CCDC7: variants seen among roughly 807,000 people sequenced by gnomAD.
CCDC7 encodes the protein coiled-coil domain-containing protein 7.
In CCDC7, 183 loss-of-function variants were observed where a neutral mutation model predicts 196.9. That is an observed-to-expected ratio of 0.93 (90% CI 0.82 to 1.05). CCDC7 has a LOEUF of 1.05. Ranked by LOEUF, CCDC7 falls within the 50% of genes least tolerant of loss-of-function variation. The pLI is 0.00. For synonymous variants in CCDC7, 525 were observed against 484.6 expected (o/e 1.08, Z -1.10); for missense variants, 1,540 against 1,482.2 (o/e 1.04, Z -0.64).
At chr10:32,881,989 AT>A (rs2094807196), downstream of CCDC7, among the ~76,000 whole-genome samples, 1 of 152,172 alleles carries the variant, frequency 6.6e-6, no homozygotes, top group Non-Finnish European at 1.5e-5. Flanking sequence ...TAACTAGATG[AT>A]TGGACTCTAC....
chr10:32,830,914 T>C (rs1347607289), intron 32 of CCDC7, among the ~76,000 whole-genome samples: 1 of 152,088 alleles, frequency 6.6e-6, no homozygotes, highest in African/African-American at 2.4e-5. Flanking sequence ...TCCAACATAG[T>C]AAAAACATTG....
At chr10:32,824,558 A>C (rs200418217) in exon 32 of CCDC7, 12 of 1,612,468 alleles carry the variant, frequency 7.4e-6, no homozygotes, top group Non-Finnish European at 1.0e-5. Flanking sequence ...AGAGAGGTAC[A>C]ATAAATGATG....
chr10:32,778,555 C>T (rs536441300), intron 28 of CCDC7, among the ~76,000 whole-genome samples: 86 of 152,202 alleles, frequency 5.7e-4, no homozygotes, highest in Non-Finnish European at 8.7e-4. Context: ...GTTTTTGTAC[C>T]AGTACAATGC....
Position 32,755,809 on chromosome 10 carries a change from C to T in CCDC7, c.2906-23168C>T, listed in dbSNP as rs533914015. 1.4e-3 allele frequency among the ~76,000 whole-genome samples: 220 copies of T among 152,076 alleles called. 1 individual carries two copies. The highest frequency in any genetic ancestry group is 5.0e-3 in the African/African-American group (208 of 41,498). ...GACGATCAGTAATAACAAATTTCTC[C>T]GAGTCAAAGGAGGATATTCAAACCC... On this transcript the variant is annotated intron_variant, in intron 28 of 41. Coordinates refer to ENST00000639629, the Ensembl canonical transcript of CCDC7.
chr10:32,499,873 A>C (rs1377343438), intron 9 of CCDC7, among the ~76,000 whole-genome samples: 10 of 152,170 alleles, frequency 6.6e-5, no homozygotes, highest in Admixed American at 6.5e-4. Flanking sequence ...TAATCCATTT[A>C]ACCCTTAGTG....
At chr10:32,489,249 C>T (rs929787846) in intron 8 of CCDC7, among the ~76,000 whole-genome samples, 1 of 152,178 alleles carries the variant, frequency 6.6e-6, no homozygotes, top group African/African-American at 2.4e-5. Context: ...GTGTGCAAGT[C>T]TACTGCTGCT....
intron 11 of CCDC7, among the ~76,000 whole-genome samples, chr10:32,531,697 G>T (rs957865942): frequency 3.3e-5 from 5 of 152,078 alleles, no homozygotes; most frequent in Admixed American, 1.3e-4. Flanking sequence ...TAACTTTGTT[G>T]GGAGACTTTC....
At chr10:32,622,519 T>C (rs573376877) in intron 18 of CCDC7, among the ~76,000 whole-genome samples, 2 of 152,062 alleles carry the variant, frequency 1.3e-5, no homozygotes, top group African/African-American at 2.4e-5. Flanking sequence ...TGGTTCAGAA[T>C]TGAAATTTTT....
chr10:32,809,904 T>C (rs929854898), intron 30 of CCDC7, among the ~76,000 whole-genome samples: 1 of 150,314 alleles, frequency 6.7e-6, no homozygotes, highest in Non-Finnish European at 1.5e-5. Context: ...TTATAAATCA[T>C]GCTACTATAA....
intron 18 of CCDC7, among the ~76,000 whole-genome samples, chr10:32,584,777 A>AAAAAAAT (rs2059091072): frequency 7.0e-6 from 1 of 143,698 alleles, no homozygotes. Context: ...AAAAAAAAAA[A>AAAAAAAT]GATTGGTGAG....
intron 13 of CCDC7, among the ~76,000 whole-genome samples, chr10:32,558,365 T>A (rs1288205215): frequency 2.6e-5 from 4 of 152,222 alleles, no homozygotes; most frequent in African/African-American, 9.6e-5. Flanking sequence ...TTAGTTTTTT[T>A]AGCTTTTGCT....
intron 24 of CCDC7, among the ~76,000 whole-genome samples, chr10:32,709,014 C>A (rs1296458802): frequency 3.9e-5 from 6 of 152,162 alleles, no homozygotes; most frequent in Non-Finnish European, 7.3e-5. Flanking sequence ...GTAAAGACAA[C>A]GTGCACACGT....
intron 33 of CCDC7, among the ~76,000 whole-genome samples, chr10:32,836,183 C>A (rs983300997): frequency 6.6e-6 from 1 of 151,942 alleles, no homozygotes; most frequent in Admixed American, 6.6e-5. Context: ...GGGAAAGAGG[C>A]CATTAAAGAG....
chr10:32,861,115 C>CAAAAAAAAAAAAAAAAAAAA (rs142801821), intron 41 of CCDC7, among the ~76,000 whole-genome samples: 9 of 97,110 alleles, frequency 9.3e-5, no homozygotes, highest in Non-Finnish European at 1.4e-4. Flanking sequence ...CAATCATAAG[C>CAAAAAAAAAAAAAAAAAAAA]AAAAAAAAAA....
intron 29 of CCDC7, among the ~76,000 whole-genome samples, chr10:32,795,397 C>T (rs2083393485): frequency 6.6e-6 from 1 of 152,032 alleles, no homozygotes; most frequent in African/African-American, 2.4e-5. Context: ...TATTTCTCAG[C>T]GCCAAGATTT....
intron 28 of CCDC7, among the ~76,000 whole-genome samples, chr10:32,771,686 G>A (rs1337865507): frequency 1.3e-5 from 2 of 152,158 alleles, no homozygotes; most frequent in African/African-American, 4.8e-5. Flanking sequence ...GGGGTGGCAG[G>A]AGAGTCACAT....
rs1160767551 is a variant in CCDC7 at position 32,565,539 on chromosome 10, C to T, written c.1135-19C>T. 4 of 1,598,984 alleles carry T rather than the reference C, an allele frequency of 2.5e-6. No individual in the cohort carries two copies. Among genetic ancestry groups the T allele is most frequent in the South Asian group, 1.1e-5 (1 of 88,702 alleles). On this transcript the variant is annotated intron_variant, in intron 13 of 41. Coordinates refer to ENST00000639629, the Ensembl canonical transcript of CCDC7. ...AAATACCAAAGTAAATACCTTTTTTCCCCCTTCTTACTTCCTAGAAAGTAG... is the reference window on the plus strand; with the variant it reads ...AAATACCAAAGTAAATACCTTTTTTTCCCCTTCTTACTTCCTAGAAAGTAG...
chr10:32,778,875 G>A lies in CCDC7; in HGVS notation c.2906-102G>A, dbSNP rs138785026. ...CTTTTGCAGTGTTTTTGCAGTTCTC[G>A]TTGTAGAGATCTTTCACCTTCTTGG... On this transcript the variant is annotated intron_variant, in intron 28 of 41. Transcript: ENST00000639629. 1.1e-3 allele frequency: 833 copies of A among 787,638 alleles called. 4 individuals carry two copies. In the African/African-American group the frequency reaches 0.013, roughly 13 times the overall value. 48.8% of individuals were successfully genotyped at this position (787,638 alleles called of 1,614,324 possible).
At chr10:32,478,092 G>T (rs987696843) in intron 8 of CCDC7, among the ~76,000 whole-genome samples, 8 of 152,166 alleles carry the variant, frequency 5.3e-5, no homozygotes, top group African/African-American at 1.9e-4. Context: ...TGAAATTTCA[G>T]TGCTACTATA....
Sources: gnomAD v4.1 joint callset for allele counts (sites outside exome capture counted in the v4.1 genomes callset) on GRCh38, gnomAD v4.1.1 for gene constraint, MANE v1.5 for transcripts, NCBI Gene and HGNC (gene_info 2026-07-23, HGNC 2026-07-21) for gene names.